ANO2: variants seen among roughly 807,000 people sequenced by gnomAD.
ANO2 encodes anoctamin-2.
Under a neutral mutation model 124.2 loss-of-function variants are expected in ANO2, and 101 were observed. The ratio of observed to expected loss-of-function variants is 0.81; its 90% CI spans 0.69 to 0.96. The LOEUF (loss-of-function observed/expected upper bound fraction) is 0.96, where lower values mean the gene tolerates loss of function less well. Ranked by LOEUF, ANO2 falls within the 40% of genes least tolerant of loss-of-function variation. The pLI is 0.00. For missense variants in ANO2, 1,293 were observed against 1,274.5 expected (o/e 1.01, Z -0.22); for synonymous variants, 486 against 482.5 (o/e 1.01, Z -0.09).
At chr12:5,665,107 A>C (rs983454203) in intron 14 of ANO2, among the ~76,000 whole-genome samples, 11 of 151,908 alleles carry the variant, frequency 7.2e-5, no homozygotes, top group African/African-American at 2.7e-4. Flanking sequence ...CTTCTTCCAC[A>C]TGCCCTTCAG....
At chr12:5,637,187 C>G (rs1946068009) in intron 15 of ANO2, among the ~76,000 whole-genome samples, 1 of 152,156 alleles carries the variant, frequency 6.6e-6, no homozygotes, top group African/African-American at 2.4e-5. Flanking sequence ...GACATTTTCA[C>G]TTCCCATTTC....
chr12:5,577,812 G>A, intron 22 of ANO2, 143 bp downstream of exon 22: 2 of 733,746 alleles, frequency 2.7e-6, no homozygotes, highest in South Asian at 4.0e-5. Context: ...GCATTTGTGA[G>A]CTGTTAACCA....
At position 5,791,422 on chromosome 12, in the gene ANO2, T is replaced by C. The variant is rs570145648; in HGVS notation, c.1055+8085A>G. ...GCACAAAGAGGGATGTTCATAAAGA[T>C]GGCCCCATCATAAGCCAAGGTCGAC... is the stretch of plus-strand genomic sequence containing the variant. On this transcript the variant is annotated intron_variant, in intron 10 of 24. Transcript: ENST00000682330. Among the ~76,000 whole-genome samples the C allele has an allele frequency of 1.7e-4, 26 of 152,256 alleles. 1 individual carries two copies. In the South Asian group the frequency reaches 5.4e-3, roughly 32 times the overall value.
At chr12:5,916,491 T>TAAAAAAAAAAAAAAAAAA (rs769233593) in intron 3 of ANO2, among the ~76,000 whole-genome samples, 8 of 98,124 alleles carry the variant, frequency 8.2e-5, no homozygotes, top group East Asian at 2.5e-4. Context: ...TCGCAGCAGG[T>TAAAAAAAAAAAAAAAAAA]TAAAAAAAAA....
Position 5,615,254 on chromosome 12 carries a change from G to A in ANO2, c.1860C>T (p.Leu620=), listed in dbSNP as rs1944743266. ...TEQTFEERLI[L]KAFLLKFVNA... ...TGACAAACTTGAGCAAGAAAGCTTT[G>A]AGGATCAGGCGCTCTTCAAAAGTCT... is the stretch of plus-strand genomic sequence containing the variant. Residue 620 remains leucine (L), a synonymous_variant, in exon 17 of 25, where the codon CTC becomes CTT. Transcript: ENST00000682330. 1.9e-6 allele frequency: 3 copies of A among 1,613,780 alleles called. No individual in the cohort carries two copies. Among genetic ancestry groups the A allele is most frequent in the Non-Finnish European group, 2.5e-6 (3 of 1,179,802 alleles).
chr12:5,775,032 TCCC>T (rs1952187134), intron 10 of ANO2, among the ~76,000 whole-genome samples: 1 of 152,138 alleles, frequency 6.6e-6, no homozygotes, highest in African/African-American at 2.4e-5. Flanking sequence ...CAGAAATTAT[TCCC>T]CCAATTTGCA....
intron 3 of ANO2, among the ~76,000 whole-genome samples, chr12:5,891,851 C>T (rs1292639744): frequency 6.6e-6 from 1 of 152,100 alleles, no homozygotes. Context: ...TTAATAAAAC[C>T]CAGATTTCCA....
chr12:5,913,712 T>C (rs1941196346), intron 3 of ANO2, among the ~76,000 whole-genome samples: 1 of 152,176 alleles, frequency 6.6e-6, no homozygotes, highest in South Asian at 2.1e-4. Flanking sequence ...AAGATGGGAA[T>C]AACAGCCCCT....
At chr12:5,832,985 T>A (rs189124529) in intron 4 of ANO2, among the ~76,000 whole-genome samples, 1 of 152,324 alleles carries the variant, frequency 6.6e-6, no homozygotes, top group African/African-American at 2.4e-5. Flanking sequence ...TTCCATATGA[T>A]GAGGCAATTA....
intron 16 of ANO2, among the ~76,000 whole-genome samples, chr12:5,634,533 T>G (rs966627841): frequency 2.6e-5 from 4 of 152,140 alleles, no homozygotes; most frequent in African/African-American, 9.7e-5. Flanking sequence ...GAATGCCAAA[T>G]GCCAAGATGT....
chr12:5,795,222 G>A (rs944126657), intron 10 of ANO2, among the ~76,000 whole-genome samples: 1 of 152,192 alleles, frequency 6.6e-6, no homozygotes, highest in Non-Finnish European at 1.5e-5. Context: ...GGGGCACAGT[G>A]CCACCCAAGG....
chr12:5,877,032 G>C (rs906204050), intron 3 of ANO2, among the ~76,000 whole-genome samples: 1 of 152,174 alleles, frequency 6.6e-6, no homozygotes, highest in South Asian at 2.1e-4. Flanking sequence ...TTAAAGTAAA[G>C]AGCAAATGGT....
intron 14 of ANO2, 73 bp from the exon 15 acceptor site, chr12:5,647,874 A>G: frequency 9.0e-7 from 1 of 1,110,160 alleles, no homozygotes; most frequent in South Asian, 1.3e-5. Context: ...TCATTTGCAT[A>G]TATTTGCATG....
At chr12:5,726,923 C>T (rs1950463578) in intron 14 of ANO2, among the ~76,000 whole-genome samples, 1 of 152,104 alleles carries the variant, frequency 6.6e-6, no homozygotes, top group African/African-American at 2.4e-5. Context: ...TGGAAGAGAC[C>T]CAGAAGGCTC....
At chr12:5,651,909 G>A (rs1355698406) in intron 14 of ANO2, among the ~76,000 whole-genome samples, 4 of 152,168 alleles carry the variant, frequency 2.6e-5, no homozygotes, top group Admixed American at 6.6e-5. Flanking sequence ...TTGTCCATGT[G>A]GTTGCATGTC....
rs1168287247 is a variant in ANO2 at position 5,900,641 on chromosome 12, C to T, written c.534+20399G>A. Reference sequence around the variant, plus strand: ...CATGGGGGAGCATTTGCTCTACCTCCGCATTTAACGTGTGGTCCCTGCCAT... The same window carrying T: ...CATGGGGGAGCATTTGCTCTACCTCTGCATTTAACGTGTGGTCCCTGCCAT... On this transcript the variant is annotated intron_variant, in intron 3 of 24. Coordinates refer to ENST00000682330, the MANE Select transcript of ANO2 (RefSeq NM_001364791.2). The surrounding 1 kb of genome is among the most constrained non-coding windows in gnomAD (Gnocchi z 4.2). Among the ~76,000 whole-genome samples, 4 of 152,308 alleles carry T rather than the reference C, an allele frequency of 2.6e-5. No homozygotes were observed. Among genetic ancestry groups the T allele is most frequent in the African/African-American group, 4.8e-5 (2 of 41,576 alleles).
chr12:5,685,504 G>A (rs558673397), intron 14 of ANO2, among the ~76,000 whole-genome samples: 22 of 152,348 alleles, frequency 1.4e-4, no homozygotes, highest in African/African-American at 4.8e-4. Flanking sequence ...AGAGCCTGGG[G>A]CTGGGCACAG....
In ANO2 at chr12:5,658,892, TA is replaced by T. The variant is rs774762800; in HGVS notation, c.1546-11092del. Among the ~76,000 whole-genome samples, 1 of 152,134 alleles carries T rather than the reference TA, an allele frequency of 6.6e-6. No individual in the cohort carries two copies. The highest frequency in any genetic ancestry group is 1.5e-5 in the Non-Finnish European group (1 of 68,018). On this transcript the variant is annotated intron_variant, in intron 14 of 24. Transcript: ENST00000682330. The surrounding 1 kb of genome is among the most constrained non-coding windows in gnomAD (Gnocchi z 4.3). ...TCATCATCAACATCATTATCATCAT[TA>T]AAATCATCATCAGCAACAGCAGCAT...
intron 4 of ANO2, among the ~76,000 whole-genome samples, chr12:5,851,050 G>GA (rs11409983): frequency 0.46 from 69,754 of 151,914 alleles, 19,431 homozygotes; most frequent in African/African-American, 0.79. Flanking sequence ...ACCAAGGTTA[G>GA]AAGTCTCTTC....
Sources: gnomAD v4.1 joint callset for allele counts (sites outside exome capture counted in the v4.1 genomes callset) on GRCh38, gnomAD v4.1.1 for gene constraint, Gnocchi (gnomAD v3.1) non-coding constraint, MANE v1.5 for transcripts, NCBI Gene and HGNC (gene_info 2026-07-23, HGNC 2026-07-21) for gene names.